Variants in FARS2 observed in about 807,000 individuals in gnomAD.
FARS2 encodes phenylalanyl-tRNA synthetase 2, mitochondrial, also known as phenylalanine--tRNA ligase, mitochondrial.
FARS2 carries 40 observed loss-of-function variants against 46.4 expected under a neutral mutation model. The observed-to-expected ratio is 0.86, with a 90% CI of 0.67 to 1.12. The LOEUF is 1.12. Ranked by LOEUF, FARS2 falls within the 50% of genes most tolerant of loss-of-function variation. The pLI is 0.00. For synonymous variants in FARS2, 234 were observed against 214.9 expected (o/e 1.09, Z -0.78); for missense variants, 513 against 567.9 (o/e 0.90, Z 0.98).
intron 4 of FARS2, among the ~76,000 whole-genome samples, chr6:5,522,220 G>A (rs930517712): frequency 2.2e-4 from 34 of 152,210 alleles, no homozygotes; most frequent in Non-Finnish European, 4.1e-4. Flanking sequence ...CACAGCAAGG[G>A]AAGGGAGAGC....
chr6:5,408,529 T>C (rs12528042), intron 3 of FARS2, among the ~76,000 whole-genome samples: 23,915 of 152,174 alleles, frequency 0.16, 2,556 homozygotes, highest in East Asian at 0.46. Context: ...ATGAAGCTCC[T>C]GTTCATCCCC....
chr6:5,346,288 A>T (rs1025563662), intron 1 of FARS2, among the ~76,000 whole-genome samples: 1 of 152,210 alleles, frequency 6.6e-6, no homozygotes, highest in Non-Finnish European at 1.5e-5. Context: ...GGCCCATAGT[A>T]CTTGGGTGAA....
At chr6:5,493,356 G>T (rs1767250470) in intron 4 of FARS2, among the ~76,000 whole-genome samples, 2 of 151,926 alleles carry the variant, frequency 1.3e-5, no homozygotes, top group South Asian at 2.1e-4. Flanking sequence ...TAGAAGGTAG[G>T]GATCACATGT....
intron 3 of FARS2, among the ~76,000 whole-genome samples, chr6:5,410,173 A>G (rs1177494510): frequency 9.0e-6 from 1 of 111,034 alleles, no homozygotes; most frequent in South Asian, 2.9e-4. Flanking sequence ...TTTTTTTTTG[A>G]GATGGAGTCT....
At chr6:5,484,737 G>A (rs989575955) in intron 4 of FARS2, among the ~76,000 whole-genome samples, 35 of 152,346 alleles carry the variant, frequency 2.3e-4, no homozygotes, top group African/African-American at 6.3e-4. Context: ...CACAGGAGTG[G>A]CCTGGAGGGT....
intron 4 of FARS2, chr6:5,467,180 CTGTA>C (rs1237975920): frequency 1.7e-6 from 1 of 602,468 alleles, no homozygotes; most frequent in East Asian, 1.4e-4. Flanking sequence ...CATTTTTTGA[CTGTA>C]TGAATTTAAT....
intron 6 of FARS2, among the ~76,000 whole-genome samples, chr6:5,626,316 C>A (rs1028097052): frequency 2.0e-5 from 3 of 152,122 alleles, no homozygotes; most frequent in African/African-American, 7.2e-5. Context: ...GCATCGCCAC[C>A]TACCTGCTGT....
At chr6:5,362,554 T>C (rs1176780627) in intron 1 of FARS2, among the ~76,000 whole-genome samples, 2 of 152,210 alleles carry the variant, frequency 1.3e-5, no homozygotes, top group Non-Finnish European at 2.9e-5. Flanking sequence ...GGTGCAGATG[T>C]CTCTTTGACA....
chr6:5,349,474 G>A (rs781309836), intron 1 of FARS2, among the ~76,000 whole-genome samples: 5 of 151,982 alleles, frequency 3.3e-5, no homozygotes, highest in Non-Finnish European at 5.9e-5. Context: ...AAACATCCTC[G>A]ATGATACAGT....
intron 1 of FARS2, among the ~76,000 whole-genome samples, chr6:5,325,276 A>C (rs1770286787): frequency 6.6e-6 from 1 of 152,204 alleles, no homozygotes; most frequent in Non-Finnish European, 1.5e-5. Context: ...GAGCACCTGA[A>C]GGAAATCCAT....
chr6:5,601,151 T>C (rs1308877938), intron 5 of FARS2, among the ~76,000 whole-genome samples: 1 of 152,122 alleles, frequency 6.6e-6, no homozygotes, highest in Non-Finnish European at 1.5e-5. Flanking sequence ...GAAGTAAATG[T>C]TTGTTGTTCA....
intron 6 of FARS2, among the ~76,000 whole-genome samples, chr6:5,766,060 T>C (rs1418044708): frequency 1.3e-5 from 2 of 152,248 alleles, no homozygotes; most frequent in Non-Finnish European, 2.9e-5. Context: ...GAATCTCTCT[T>C]CAAACTCCTT....
chr6:5,515,267 ACT>A (rs1444013055), intron 4 of FARS2, among the ~76,000 whole-genome samples: 3 of 152,002 alleles, frequency 2.0e-5, no homozygotes, highest in Admixed American at 1.3e-4. Flanking sequence ...GTTCCATGAA[ACT>A]CTTGCCAATA....
In FARS2 at chr6:5,764,600, A is replaced by G. The variant is rs563484106; in HGVS notation, c.1218-6691A>G. On this transcript the variant is annotated intron_variant, in intron 6 of 6. Transcript: ENST00000274680. The surrounding 1 kb of genome is among the most constrained non-coding windows in gnomAD (Gnocchi z 4.1). ...TTCTCTCCCGTTGAGTAATCCCTGC[A>G]TGAATAGATGGCAGCTGCAGTGACT... 6.6e-6 allele frequency among the ~76,000 whole-genome samples: 1 copy of G among 152,200 alleles called. No homozygotes were observed. Among genetic ancestry groups the G allele is most frequent in the Non-Finnish European group, 1.5e-5 (1 of 68,040 alleles).
intron 4 of FARS2, among the ~76,000 whole-genome samples, chr6:5,537,451 G>T (rs920814356): frequency 1.5e-5 from 2 of 134,624 alleles, no homozygotes; most frequent in Non-Finnish European, 3.2e-5. Context: ...GAGATGTCCC[G>T]GGCCTCCTCT....
chr6:5,562,562 T>TCTG (rs1269083009), intron 5 of FARS2, among the ~76,000 whole-genome samples: 1 of 152,150 alleles, frequency 6.6e-6, no homozygotes. Context: ...ATGGCATGTG[T>TCTG]CTGTGTTTGT....
rs990820492 is a variant in FARS2 at position 5,319,435 on chromosome 6, C to G, written c.-21-49115C>G. Among the ~76,000 whole-genome samples the G allele has an allele frequency of 3.3e-5, 5 of 152,332 alleles. No homozygotes were observed. The South Asian group carries it at 1.0e-3, about 32-fold the overall frequency. The stretch of plus-strand genomic sequence containing the variant: ...TAAACACACTATGCATGTGGCCCCT[C>G]CCAAGTGCCGGCAGGCCACTGCGTT... On this transcript the variant is annotated intron_variant, in intron 1 of 6. Transcript: ENST00000274680.
chr6:5,667,843 A>T (rs1242172929), intron 6 of FARS2, among the ~76,000 whole-genome samples: 2 of 152,248 alleles, frequency 1.3e-5, no homozygotes, highest in Non-Finnish European at 2.9e-5. Flanking sequence ...TCTTAACTTT[A>T]GTGGGTTGAA....
intron 5 of FARS2, among the ~76,000 whole-genome samples, chr6:5,590,199 G>A (rs910207634): frequency 6.6e-6 from 1 of 152,220 alleles, no homozygotes; most frequent in African/African-American, 2.4e-5. Flanking sequence ...ATGTGATAGT[G>A]AAGAATGATG....
Sources: allele counts gnomAD v4.1 joint callset (sites outside exome capture counted in the v4.1 genomes callset), GRCh38; gene constraint gnomAD v4.1.1; non-coding constraint Gnocchi (gnomAD v3.1); transcripts MANE v1.5; gene names NCBI Gene and HGNC (gene_info 2026-07-23, HGNC 2026-07-21).